Variants in ALOXE3 observed in about 807,000 individuals in gnomAD.
The protein encoded by ALOXE3 is arachidonate epidermal lipoxygenase 3.
In ALOXE3, 78 loss-of-function variants were observed where a neutral mutation model predicts 87.5. That is an observed-to-expected ratio of 0.89 (90% CI 0.74 to 1.08). The LOEUF (loss-of-function observed/expected upper bound fraction) is 1.08, where lower values mean the gene tolerates loss of function less well. Among genes scored for constraint, ALOXE3 ranks in the 50% least tolerant of loss-of-function variants. The pLI is 0.00. For synonymous variants in ALOXE3, 363 were observed against 370.8 expected (o/e 0.98, Z 0.24); for missense variants, 946 against 912.4 (o/e 1.04, Z -0.47).
At chr17:8,115,965 C>G (rs1980551834) in intron 3 of ALOXE3, among the ~76,000 whole-genome samples, 1 of 152,252 alleles carries the variant, frequency 6.6e-6, no homozygotes, top group African/African-American at 2.4e-5. Flanking sequence ...ATTCCTTTTT[C>G]TTCTTTTTCT....
intron 2 of ALOXE3, 55 bp downstream of exon 2, chr17:8,117,789 C>G: frequency 1.3e-6 from 2 of 1,582,456 alleles, no homozygotes; most frequent in South Asian, 2.3e-5. Flanking sequence ...ATACTCCTCC[C>G]GCCTGCGGCC....
rs1269972823 is a variant in ALOXE3 at position 8,114,592 on chromosome 17, AGGTACCGATTCCCACTGCTGG to A, written c.555-4_571del. 3.1e-6 allele frequency: 5 copies of A among 1,613,846 alleles called. No homozygotes were observed. The highest frequency in any genetic ancestry group is 4.2e-6 in the Non-Finnish European group (5 of 1,179,968). Reference sequence around the variant, plus strand: ...GTCAATTTTCATGGGGAAGCCGGGCAGGTACCGATTCCCACTGCTGGGGGTCGGGGGAGTAGAAAGACAGAA... The same window carrying A: ...GTCAATTTTCATGGGGAAGCCGGGCAGGGTCGGGGGAGTAGAAAGACAGAA... On this transcript the variant is annotated splice_acceptor_variant and splice_polypyrimidine_tract_variant and coding_sequence_variant and intron_variant, in exon 6 of 16. Coordinates refer to ENST00000448843, the MANE Select transcript of ALOXE3 (RefSeq NM_021628.3). LOFTEE classifies it high-confidence loss of function.
chr17:8,101,247 C>T (rs770144925), intron 15 of ALOXE3, among the ~76,000 whole-genome samples: 4 of 152,048 alleles, frequency 2.6e-5, no homozygotes, highest in South Asian at 2.1e-4. Context: ...AGGCTGATCT[C>T]GAACTCCTGA....
chr17:8,118,691 C>G (rs552754461), upstream of ALOXE3: 3 of 1,537,322 alleles, frequency 2.0e-6, no homozygotes, highest in African/African-American at 2.7e-5. Context: ...TTTGGCACGC[C>G]CGACCTCATT....
chr17:8,111,552 C>T, intron 7 of ALOXE3, 21 bp from the exon 8 acceptor site: 2 of 1,613,942 alleles, frequency 1.2e-6, no homozygotes, highest in South Asian at 1.1e-5. Context: ...AGAGAGGGGA[C>T]CAGTTGGTCT....
Position 8,104,188 on chromosome 17 carries a change from C to T in ALOXE3, c.1712G>A (p.Gly571Glu). The change falls in exon 14 of 16, where the codon GGA (glycine) becomes GAA (glutamate). Residue 571 changes from glycine to glutamate, a missense_variant. Transcript: ENST00000448843. Reference protein sequence around the residue: ...SGFPSRLCTPGEMVKFLTAII... With the variant: ...SGFPSRLCTPEEMVKFLTAII... ...TGCAGTGAGGAACTTCACCATCTCT[C>T]CTGGGGTGCACAGCCGGCTTGGGAA... 6.2e-7 allele frequency: 1 copy of T among 1,613,980 alleles called. No individual in the cohort carries two copies. Among genetic ancestry groups the T allele is most frequent in the Non-Finnish European group, 8.5e-7 (1 of 1,179,984 alleles).
Position 8,109,344 on chromosome 17 carries a change from C to T in ALOXE3, c.1393-1G>A, listed in dbSNP as rs1979807431. ...GGCCTTGCCTCCCGATGGACGTGAC[C>T]TGAGGACACAGCACAGCTCGGCTCC... On this transcript the variant is annotated splice_acceptor_variant, in intron 11 of 15. Transcript: ENST00000448843. LOFTEE classifies it high-confidence loss of function. The T allele has an allele frequency of 6.2e-7, 1 of 1,613,650 alleles. No individual in the cohort carries two copies. Among genetic ancestry groups the T allele is most frequent in the Non-Finnish European group, 8.5e-7 (1 of 1,180,022 alleles).
At chr17:8,117,819 G>C (rs115656439) in intron 2 of ALOXE3, 25 bp downstream of exon 2, 7 of 1,606,448 alleles carry the variant, frequency 4.4e-6, no homozygotes, top group Admixed American at 1.7e-5. Flanking sequence ...CTGAGGTCGC[G>C]CTTCCCTGTC....
chr17:8,103,463 G>A lies in ALOXE3; in HGVS notation c.1816C>T (p.Pro606Ser). Residue 606 changes from proline to serine, a missense_variant, in exon 15 of 16, where the codon CCA becomes TCA. Pro to Ser is a moderately conservative substitution (Grantham distance 74). Transcript: ENST00000448843. ...GGTGGGGGCTGCCTCATGGATGATG[G>A]AGCATTGGGCATCCAGGCCCCAAAG... ...HDFGAWMPNA[P>S]SSMRQPPPQT... The A allele has an allele frequency of 6.2e-7, 1 of 1,614,130 alleles. No homozygotes were observed. Among genetic ancestry groups the A allele is most frequent in the Non-Finnish European group, 8.5e-7 (1 of 1,180,026 alleles).
At chr17:8,105,640 G>A (rs1328665823) in intron 13 of ALOXE3, among the ~76,000 whole-genome samples, 1 of 152,176 alleles carries the variant, frequency 6.6e-6, no homozygotes, top group African/African-American at 2.4e-5. Context: ...GAATGCATGA[G>A]AGGGTAAGAA....
Position 8,096,723 on chromosome 17 carries a change from G to A in ALOXE3, c.2040C>T (p.Ala680=), listed in dbSNP as rs2151827977. 2 of 1,613,748 alleles carry A rather than the reference G, an allele frequency of 1.2e-6. No individual in the cohort carries two copies. The highest frequency in any genetic ancestry group is 1.1e-5 in the South Asian group (1 of 91,074). Residue 680 remains alanine (A), a synonymous_variant, in exon 16 of 16, where the codon GCC becomes GCT. Coordinates refer to ENST00000448843, the MANE Select transcript of ALOXE3 (RefSeq NM_021628.3). ...GCTCCTGGATGTCCCTTGAGATCTGGGCCAGGCGGCTCTGGAAGGCGGCGA... is the reference window on the plus strand; with the variant it reads ...GCTCCTGGATGTCCCTTGAGATCTGAGCCAGGCGGCTCTGGAAGGCGGCGA... The part of the protein sequence containing the change: ...RSIAAFQSRL[A]QISRDIQERN...
intron 14 of ALOXE3, 169 bp from the exon 15 acceptor site, chr17:8,103,662 A>G (rs1598198314): frequency 2.4e-6 from 2 of 819,552 alleles, no homozygotes; most frequent in African/African-American, 1.7e-5. Flanking sequence ...GAAAGGCAAG[A>G]GAGGAAAGGG....
At position 8,108,556 on chromosome 17, in the gene ALOXE3, G is replaced by A. The variant is rs763692689; in HGVS notation, c.1596C>T (p.Pro532=). The change falls in exon 13 of 16, where the codon CCC becomes CCT. Residue 532 remains proline (P), a synonymous_variant. Coordinates refer to ENST00000448843, the MANE Select transcript of ALOXE3 (RefSeq NM_021628.3). ...AATCCTGCTGCACAGATGCGTCACT[G>A]GGATAATAGTAGCCCACGATTTCTG... ...FVSEIVGYYY[P]SDASVQQDSE... 1.2e-6 allele frequency: 2 copies of A among 1,613,100 alleles called. No individual in the cohort carries two copies. Among genetic ancestry groups the A allele is most frequent in the Admixed American group, 1.7e-5 (1 of 60,000 alleles).
At chr17:8,103,078 CAT>C (rs1417030737) in intron 15 of ALOXE3, among the ~76,000 whole-genome samples, 1 of 152,214 alleles carries the variant, frequency 6.6e-6, no homozygotes, top group African/African-American at 2.4e-5. Flanking sequence ...TGCATTAACA[CAT>C]GAGTAGTTGA....
At chr17:8,117,049 G>A in intron 2 of ALOXE3, 69 bp from the exon 3 acceptor site, 2 of 1,420,618 alleles carry the variant, frequency 1.4e-6, no homozygotes, top group East Asian at 2.4e-5. Flanking sequence ...CGCCTTGCAA[G>A]ATGCATCTAC....
At chr17:8,107,716 G>A (rs1279576155) in intron 13 of ALOXE3, among the ~76,000 whole-genome samples, 4 of 150,186 alleles carry the variant, frequency 2.7e-5, no homozygotes, top group Non-Finnish European at 5.9e-5. Flanking sequence ...GGAGAATGGC[G>A]TGAACCCGGG....
intron 5 of ALOXE3, 139 bp from the exon 6 acceptor site, chr17:8,114,748 T>C (rs1190034787): frequency 1.4e-6 from 2 of 1,477,330 alleles, no homozygotes; most frequent in African/African-American, 1.4e-5. Flanking sequence ...TCTCTGCTCC[T>C]GAGCTAAAAT....
intron 15 of ALOXE3, among the ~76,000 whole-genome samples, chr17:8,101,031 G>T (rs7220720): frequency 0.023 from 3,232 of 140,010 alleles, 127 homozygotes; most frequent in African/African-American, 0.08. Context: ...CTTTTTTTTT[G>T]TTTTTTTTTT....
intron 5 of ALOXE3, 33 bp from the exon 6 acceptor site, chr17:8,114,642 A>G (rs370405616): frequency 1.4e-5 from 23 of 1,613,218 alleles, no homozygotes; most frequent in Non-Finnish European, 1.9e-5. Flanking sequence ...GACAGAAACC[A>G]GTCAGTGGGC....
Sources: gnomAD v4.1 joint callset for allele counts (sites outside exome capture counted in the v4.1 genomes callset) on GRCh38, gnomAD v4.1.1 for gene constraint, MANE v1.5 for transcripts, NCBI Gene and HGNC (gene_info 2026-07-23, HGNC 2026-07-21) for gene names.